NFYA: variants seen among roughly 807,000 people sequenced by gnomAD.
NFYA encodes the protein nuclear transcription factor Y subunit alpha.
In NFYA, 28 loss-of-function variants were observed where a neutral mutation model predicts 52.8. That is an observed-to-expected ratio of 0.53 (90% CI 0.39 to 0.73). The LOEUF (loss-of-function observed/expected upper bound fraction) is 0.73. NFYA is among the 30% of genes least tolerant of loss of function. The pLI is 0.00. For missense variants in NFYA, 234 were observed against 427.0 expected, an observed-to-expected ratio of 0.55 and a Z score of 3.98; for synonymous variants, 150 against 150.7, an observed-to-expected ratio of 1.00 and a Z score of 0.03.
At chr6:41,081,681 A>G (rs1305239072) in intron 3 of NFYA, among the ~76,000 whole-genome samples, 3 of 152,216 alleles carry the variant, frequency 2.0e-5, no homozygotes, top group African/African-American at 7.2e-5. Context: ...GCACTTGGCA[A>G]GGTTTATCTA....
rs773749073 is a variant in NFYA, at chr6:41,079,215, C to T, written c.75+51C>T. On this transcript the variant is annotated intron_variant, in intron 2 of 9. Transcript: ENST00000341376. Reference sequence around the variant, plus strand: ...ATTACAGCAATGAAACTGATAACAGCACCACTCAATTGGTTGGTCTATTGC... The same window carrying T: ...ATTACAGCAATGAAACTGATAACAGTACCACTCAATTGGTTGGTCTATTGC... 5 of 1,539,528 alleles carry T rather than the reference C, an allele frequency of 3.2e-6. No individual in the cohort carries two copies. In the South Asian group the frequency reaches 5.6e-5, roughly 17 times the overall value.
At chr6:41,085,735 T>C (rs1369608234) in intron 4 of NFYA, among the ~76,000 whole-genome samples, 2 of 148,248 alleles carry the variant, frequency 1.3e-5, no homozygotes, top group East Asian at 3.9e-4. Flanking sequence ...GTACCATGCA[T>C]GTGGGGTTGT....
rs114485430 is a variant in NFYA, at chr6:41,092,733, G to A, written c.715-179G>A. On this transcript the variant is annotated intron_variant, in intron 7 of 9. Coordinates refer to ENST00000341376, the MANE Select transcript of NFYA (RefSeq NM_002505.5). ...CTCCTATGACACAGTCATCTGGGGT[G>A]TTTGTTTAAAGTGCAGATCTTTAGT... 8.4e-3 allele frequency among the ~76,000 whole-genome samples: 1,277 copies of A among 152,246 alleles called. 13 individuals are homozygous for A. The highest frequency in any genetic ancestry group is 0.012 in the Non-Finnish European group (795 of 68,004).
At chr6:41,089,738 A>G in intron 5 of NFYA, 28 bp downstream of exon 5, 1 of 1,604,700 alleles carries the variant, frequency 6.2e-7, no homozygotes. Flanking sequence ...GTCACACAGG[A>G]GCAAAACTGA....
At chr6:41,091,742 T>C (rs1333943698) in intron 7 of NFYA, 48 bp downstream of exon 7, 2 of 1,590,738 alleles carry the variant, frequency 1.3e-6, no homozygotes, top group Non-Finnish European at 8.6e-7. Context: ...TTCTTGAACA[T>C]GCAACTTGAT....
rs1479675220 is a variant in NFYA at position 41,100,827 on chromosome 6, GC to G, written c.*3421del. Among the ~76,000 whole-genome samples the G allele has an allele frequency of 6.6e-6, 1 of 150,988 alleles. No individual in the cohort carries two copies. Among genetic ancestry groups the G allele is most frequent in the African/African-American group, 2.5e-5 (1 of 40,362 alleles). Reference sequence around the variant, plus strand: ...GAAAGCGCAGACCGCCGCACCTCCAGCCCCTTCTCCCCGGGGAAGTAGGCCC... The same window carrying G: ...GAAAGCGCAGACCGCCGCACCTCCAGCCCTTCTCCCCGGGGAAGTAGGCCC... On this transcript the variant is annotated 3_prime_UTR_variant, in exon 10 of 10. Transcript: ENST00000341376.
At chr6:41,085,007 A>G (rs1447375042) in intron 4 of NFYA, among the ~76,000 whole-genome samples, 3 of 152,248 alleles carry the variant, frequency 2.0e-5, no homozygotes, top group African/African-American at 7.2e-5. Context: ...TGTTACATAC[A>G]ACTCTGTGGC....
At position 41,092,905 on chromosome 6, in the gene NFYA, C is replaced by A. The variant is rs371499140; in HGVS notation, c.715-7C>A. 4.3e-6 allele frequency: 7 copies of A among 1,611,874 alleles called. No homozygotes were observed. The highest frequency in any genetic ancestry group is 5.9e-6 in the Non-Finnish European group (7 of 1,178,936). ...CACCAATAAGCTCTGGTTTCCTGTT[C>A]ACACAGATGGTTCCTGGGGCTGGCT... is the stretch of plus-strand genomic sequence containing the variant. On this transcript the variant is annotated splice_region_variant and splice_polypyrimidine_tract_variant and intron_variant, in intron 7 of 9. Coordinates refer to ENST00000341376, the MANE Select transcript of NFYA (RefSeq NM_002505.5).
intron 1 of NFYA, among the ~76,000 whole-genome samples, chr6:41,077,430 G>C (rs1763769951): frequency 1.3e-5 from 2 of 152,074 alleles, no homozygotes; most frequent in African/African-American, 4.8e-5. Context: ...AGGAACCACT[G>C]ATCCATTTTC....
chr6:41,093,739 G>A (rs953146607), intron 8 of NFYA, among the ~76,000 whole-genome samples: 5 of 152,190 alleles, frequency 3.3e-5, no homozygotes, highest in Non-Finnish European at 2.9e-5. Flanking sequence ...CCAAAGTGCC[G>A]GGATTATAGG....
chr6:41,093,485 T>C (rs952870091), intron 8 of NFYA, among the ~76,000 whole-genome samples: 18 of 151,828 alleles, frequency 1.2e-4, no homozygotes, highest in Admixed American at 9.8e-4. Context: ...TTTTTTTTTT[T>C]CCTGAGACTC....
intron 3 of NFYA, 117 bp downstream of exon 3, chr6:41,081,014 T>C (rs1186494603): frequency 2.7e-6 from 2 of 728,840 alleles, no homozygotes; most frequent in Non-Finnish European, 4.7e-6. Context: ...ATGTCTTTGA[T>C]GCTGCTAACT....
intron 9 of NFYA, among the ~76,000 whole-genome samples, chr6:41,096,870 C>T (rs1764371935): frequency 6.6e-6 from 1 of 152,254 alleles, no homozygotes; most frequent in African/African-American, 2.4e-5. Context: ...CCACGCAAAT[C>T]ACTTTACCCA....
At chr6:41,083,125 A>G (rs887892148) in intron 3 of NFYA, among the ~76,000 whole-genome samples, 6 of 152,220 alleles carry the variant, frequency 3.9e-5, no homozygotes, top group African/African-American at 9.6e-5. Context: ...GGACTATTCC[A>G]TGGATCATTA....
intron 7 of NFYA, among the ~76,000 whole-genome samples, chr6:41,092,451 G>C (rs1379471246): frequency 6.6e-6 from 1 of 152,170 alleles, no homozygotes; most frequent in African/African-American, 2.4e-5. Flanking sequence ...GTGGGGTACA[G>C]GACTCTGTTA....
chr6:41,073,925 C>A (rs986730752), intron 1 of NFYA, among the ~76,000 whole-genome samples: 1 of 152,234 alleles, frequency 6.6e-6, no homozygotes, highest in African/African-American at 2.4e-5. Flanking sequence ...ACCAAGCGGT[C>A]TCCGTTTCTT....
At chr6:41,090,634 T>G (rs1764175402) in intron 6 of NFYA, among the ~76,000 whole-genome samples, 1 of 152,236 alleles carries the variant, frequency 6.6e-6, no homozygotes, top group African/African-American at 2.4e-5. Flanking sequence ...CAAGTTGGCT[T>G]TAGAGTGCTA....
intron 4 of NFYA, among the ~76,000 whole-genome samples, chr6:41,087,554 T>TA (rs760757194): frequency 6.6e-6 from 1 of 152,114 alleles, no homozygotes; most frequent in Non-Finnish European, 1.5e-5. Flanking sequence ...AATGCTCAAA[T>TA]AAAAAAAGTT....
At chr6:41,091,786 A>G (rs1764202456) in intron 7 of NFYA, 92 bp downstream of exon 7, 1 of 1,405,042 alleles carries the variant, frequency 7.1e-7, no homozygotes, top group Non-Finnish European at 9.8e-7. Flanking sequence ...ACCTCTTGGG[A>G]TTGAGATCGA....
Sources: allele counts gnomAD v4.1 joint callset (sites outside exome capture counted in the v4.1 genomes callset), GRCh38; gene constraint gnomAD v4.1.1; transcripts MANE v1.5; gene names NCBI Gene and HGNC (gene_info 2026-07-23, HGNC 2026-07-21).